Variants in ITGA1 observed in about 807,000 individuals in gnomAD.
ITGA1 encodes integrin subunit alpha 1.
Under a neutral mutation model 145.9 loss-of-function variants are expected in ITGA1, and 85 were observed. The observed-to-expected ratio is 0.58, with a 90% CI of 0.49 to 0.70. The LOEUF is 0.70. Ranked by LOEUF, ITGA1 falls within the 30% of genes least tolerant of loss-of-function variation. ITGA1 has a pLI of 0.00. For synonymous variants in ITGA1, 520 were observed against 495.3 expected (o/e 1.05, Z -0.66); for missense variants, 1,351 against 1,418.7 (o/e 0.95, Z 0.77).
chr5:52,806,512 A>G lies in ITGA1; in HGVS notation c.61+18098A>G, dbSNP rs1024407372. 2.0e-5 allele frequency among the ~76,000 whole-genome samples: 3 copies of G among 152,086 alleles called. 1 individual carries two copies. In the South Asian group the frequency reaches 6.2e-4, roughly 31 times the overall value. Reference sequence around the variant, plus strand: ...AATACCATTCAAAAACATTGGGAGAAGGTATTTATTAATGGAGATACCTTC... The same window carrying G: ...AATACCATTCAAAAACATTGGGAGAGGGTATTTATTAATGGAGATACCTTC... On this transcript the variant is annotated intron_variant, in intron 1 of 28. Transcript: ENST00000282588.
intron 1 of ITGA1, among the ~76,000 whole-genome samples, chr5:52,816,095 A>T (rs1748763688): frequency 6.6e-6 from 1 of 152,182 alleles, no homozygotes; most frequent in East Asian, 1.9e-4. Context: ...CTGCAAACTA[A>T]GTTACAACCT....
chr5:52,831,003 T>A (rs146877794), intron 1 of ITGA1, among the ~76,000 whole-genome samples: 1 of 152,334 alleles, frequency 6.6e-6, no homozygotes, highest in East Asian at 1.9e-4. Context: ...TCCTGCATCA[T>A]GTTTTCATCC....
chr5:52,947,994 T>G (rs1378000371), intron 28 of ITGA1, among the ~76,000 whole-genome samples: 1 of 152,116 alleles, frequency 6.6e-6, no homozygotes, highest in African/African-American at 2.4e-5. Context: ...GAGTGGAGGA[T>G]AAGGGATCAG....
rs146393284 is a variant in ITGA1, at chr5:52,876,126, G to A, written c.625-5747G>A. Among the ~76,000 whole-genome samples the A allele has an allele frequency of 3.3e-3, 498 of 152,236 alleles. 6 individuals are homozygous for A. Among genetic ancestry groups the A allele is most frequent in the African/African-American group, 0.011 (462 of 41,514 alleles). ...ATTTTCTCTCCTCTTGCTTCCTCAC[G>A]ATGTTCATCACTTGGCTCACTTTTT... is the stretch of plus-strand genomic sequence containing the variant. On this transcript the variant is annotated intron_variant, in intron 6 of 28. Transcript: ENST00000282588.
rs1751335215 is a variant in ITGA1, at chr5:52,958,569, A to G, written c.*6118A>G. 1 of 152,216 alleles carries G rather than the reference A, an allele frequency of 6.6e-6. No individual in the cohort carries two copies. Among genetic ancestry groups the G allele is most frequent in the Admixed American group, 6.5e-5 (1 of 15,286 alleles). 9.4% of individuals were successfully genotyped at this position (152,216 alleles called of 1,614,324 possible). A position where few individuals can be genotyped will look rare whatever the true frequency, so the allele number is the denominator to read the frequency against. On this transcript the variant is annotated 3_prime_UTR_variant, in exon 29 of 29. Transcript: ENST00000282588. The stretch of plus-strand genomic sequence containing the variant: ...TGTTTTATTTCTGATATTGCCTGCC[A>G]TTACTCAGGATGCAAGAGATGCTCT...
intron 14 of ITGA1, among the ~76,000 whole-genome samples, chr5:52,910,990 A>G (rs942769484): frequency 3.2e-5 from 4 of 124,778 alleles, no homozygotes; most frequent in African/African-American, 6.7e-5. Flanking sequence ...TATGTATACT[A>G]TATATAGTAT....
intron 6 of ITGA1, among the ~76,000 whole-genome samples, chr5:52,881,018 C>T (rs977048307): frequency 2.6e-5 from 4 of 152,158 alleles, no homozygotes; most frequent in African/African-American, 9.7e-5. Context: ...TATTTCACTG[C>T]ATGAAGGCTC....
At chr5:52,913,072 A>G (rs1349353314) in intron 14 of ITGA1, among the ~76,000 whole-genome samples, 1 of 151,954 alleles carries the variant, frequency 6.6e-6, no homozygotes, top group Non-Finnish European at 1.5e-5. Flanking sequence ...TTATACATTT[A>G]TCTAGTTTCC....
intron 1 of ITGA1, among the ~76,000 whole-genome samples, chr5:52,818,377 A>G (rs919542486): frequency 2.6e-5 from 4 of 152,202 alleles, no homozygotes; most frequent in Non-Finnish European, 5.9e-5. Context: ...TCTGTGATAG[A>G]CAAATACTGA....
intron 1 of ITGA1, among the ~76,000 whole-genome samples, chr5:52,829,760 T>C (rs1057295225): frequency 1.3e-5 from 2 of 152,156 alleles, no homozygotes; most frequent in Non-Finnish European, 2.9e-5. Context: ...CAGAAGACAT[T>C]TTTTTGTGTG....
chr5:52,856,416 A>G (rs776090567), intron 2 of ITGA1, among the ~76,000 whole-genome samples: 1 of 152,106 alleles, frequency 6.6e-6, no homozygotes, highest in African/African-American at 2.4e-5. Context: ...CTACAAACTT[A>G]TATTTGTTCT....
intron 1 of ITGA1, among the ~76,000 whole-genome samples, chr5:52,824,108 A>AATAT (rs935746593): frequency 2.0e-4 from 31 of 151,362 alleles, no homozygotes; most frequent in African/African-American, 7.5e-4. Context: ...CATGACCTTT[A>AATAT]ATATATATAT....
intron 6 of ITGA1, among the ~76,000 whole-genome samples, chr5:52,880,816 T>A (rs1475730295): frequency 6.6e-6 from 1 of 152,182 alleles, no homozygotes; most frequent in Non-Finnish European, 1.5e-5. Context: ...GATTTTGAGA[T>A]AGGATGGTTA....
chr5:52,862,180 T>TG (rs771785298), intron 3 of ITGA1, among the ~76,000 whole-genome samples: 14 of 145,778 alleles, frequency 9.6e-5, no homozygotes, highest in Non-Finnish European at 1.5e-4. Flanking sequence ...ATCACGCCAT[T>TG]GCACTCCAGC....
At chr5:52,839,771 T>A (rs1749224250) in intron 1 of ITGA1, among the ~76,000 whole-genome samples, 1 of 152,188 alleles carries the variant, frequency 6.6e-6, no homozygotes, top group African/African-American at 2.4e-5. Flanking sequence ...AGAAATGATT[T>A]TCAGTTCTCT....
At chr5:52,905,667 A>G (rs909399423) in intron 11 of ITGA1, 96 bp from the exon 12 acceptor site, 2 of 1,029,416 alleles carry the variant, frequency 1.9e-6, no homozygotes, top group Non-Finnish European at 1.4e-6. Flanking sequence ...ATAACCATAT[A>G]AAAATGATTA....
intron 11 of ITGA1, chr5:52,905,459 C>A: frequency 5.1e-6 from 1 of 197,080 alleles, no homozygotes; most frequent in Non-Finnish European, 1.0e-5. Flanking sequence ...TGATTTATTA[C>A]AAATTGGGGT....
rs1375060890 is a variant in ITGA1, at chr5:52,956,772, A to G, written c.*4321A>G. On this transcript the variant is annotated 3_prime_UTR_variant, in exon 29 of 29. Transcript: ENST00000282588. ...CTAAAAAATGAAAAGAAGGGCCTTA[A>G]AGTCCTCACATGGATGCTGTATTTA... The G allele has an allele frequency of 1.3e-5, 2 of 152,234 alleles. No homozygotes were observed. The highest frequency in any genetic ancestry group is 4.8e-5 in the African/African-American group (2 of 41,446). 9.4% of individuals were successfully genotyped at this position (152,234 alleles called of 1,614,324 possible).
intron 1 of ITGA1, chr5:52,800,097 T>G: frequency 2.7e-5 from 9 of 335,026 alleles, no homozygotes; most frequent in Non-Finnish European, 3.6e-5. Flanking sequence ...TGCGCCTTCA[T>G]TTCGTCAGCC....
Sources: gnomAD v4.1 joint callset for allele counts (sites outside exome capture counted in the v4.1 genomes callset) on GRCh38, gnomAD v4.1.1 for gene constraint, MANE v1.5 for transcripts, NCBI Gene and HGNC (gene_info 2026-07-23, HGNC 2026-07-21) for gene names.